The following OR2L5 variants were observed in gnomAD, a reference collection of about 807,000 sequenced individuals.
OR2L5 encodes olfactory receptor 2L5.
For missense variants in OR2L5, 413 were observed against 381.6 expected, an observed-to-expected ratio of 1.08 and a Z score of -0.69; for synonymous variants, 169 against 142.0, an observed-to-expected ratio of 1.19 and a Z score of -1.35.
rs1662382039 is a variant in OR2L5 at position 248,022,896 on chromosome 1, C to G, written c.*10C>G. 1 of 1,592,804 alleles carries G rather than the reference C, an allele frequency of 6.3e-7. No homozygotes were observed. Among genetic ancestry groups the G allele is most frequent in the Middle Eastern group, 1.7e-4 (1 of 5,856 alleles). Reference sequence around the variant, plus strand: ...CTCGGTGAAAATGTAGACATACGTTCTGTGTTAGAGTCAAAGCGCTAGGTT... The same window carrying G: ...CTCGGTGAAAATGTAGACATACGTTGTGTGTTAGAGTCAAAGCGCTAGGTT... On this transcript the variant is annotated 3_prime_UTR_variant, in exon 2 of 2. Coordinates refer to ENST00000355281, the MANE Select transcript of OR2L5 (RefSeq NM_001258284.2).
intron 1 of OR2L5, among the ~76,000 whole-genome samples, chr1:248,017,622 G>A (rs937318518): frequency 6.6e-6 from 1 of 152,150 alleles, no homozygotes; most frequent in African/African-American, 2.4e-5. Flanking sequence ...TCTTTTAATG[G>A]GGTCTTGGCG....
chr1:248,021,991 G>T lies in OR2L5; in HGVS notation c.44G>T (p.Gly15Val). 1 of 1,613,684 alleles carries T rather than the reference G, an allele frequency of 6.2e-7. No individual in the cohort carries two copies. The highest frequency in any genetic ancestry group is 8.5e-7 in the Non-Finnish European group (1 of 1,179,778). Residue 15 changes from glycine to valine, a missense_variant, in exon 2 of 2, where the codon GGG becomes GTG. By Grantham distance (109) the Gly-to-Val change is moderately radical. Coordinates refer to ENST00000355281, the MANE Select transcript of OR2L5 (RefSeq NM_001258284.2). ...NQTSTDFILL[G>V]LFPPSKIGLF... ...ACGTCAACTGATTTCATCTTATTGG[G>T]GCTGTTCCCACCATCAAAAATTGGC...
intron 1 of OR2L5, among the ~76,000 whole-genome samples, chr1:248,016,721 T>G (rs962810671): frequency 6.6e-6 from 1 of 151,932 alleles, no homozygotes; most frequent in African/African-American, 2.4e-5. Context: ...TGTATATTTA[T>G]ATATGTAACA....
intron 1 of OR2L5, among the ~76,000 whole-genome samples, chr1:248,016,945 T>C (rs74153008): frequency 0.031 from 4,786 of 152,188 alleles, 225 homozygotes; most frequent in African/African-American, 0.11. Flanking sequence ...CTAATGGAAT[T>C]ATGGAAGAAA....
Position 248,024,031 on chromosome 1 carries a change from T to C in OR2L5, c.*1145T>C, listed in dbSNP as rs1175142893. 1 of 152,094 alleles carries C rather than the reference T, an allele frequency of 6.6e-6. No individual in the cohort carries two copies. Among genetic ancestry groups the C allele is most frequent in the African/African-American group, 2.4e-5 (1 of 41,404 alleles). 9.4% of individuals were successfully genotyped at this position (152,094 alleles called of 1,614,324 possible). A position where few individuals can be genotyped will look rare whatever the true frequency, so the allele number is the denominator to read the frequency against. ...AAAATATATTTTTATTTTTATTTGTTATTAATTTTATTTGTTTATTTTGTT... is the reference window on the plus strand; with the variant it reads ...AAAATATATTTTTATTTTTATTTGTCATTAATTTTATTTGTTTATTTTGTT... On this transcript the variant is annotated 3_prime_UTR_variant, in exon 2 of 2. Coordinates refer to ENST00000355281, the MANE Select transcript of OR2L5 (RefSeq NM_001258284.2).
chr1:248,021,173 C>A (rs1662325192), intron 1 of OR2L5, among the ~76,000 whole-genome samples: 1 of 151,994 alleles, frequency 6.6e-6, no homozygotes, highest in Admixed American at 6.6e-5. Context: ...ACATTCCTAT[C>A]CTTTTGAAGT....
In OR2L5 at chr1:248,022,054, T is replaced by A; in HGVS notation, c.107T>A (p.Met36Lys). ...LFILFVLIFL[M>K]ALIGNLSMIL... ...ATTCTCTTTGTTCTCATTTTCCTAA[T>A]GGCTCTAATTGGAAACCTATCCATG... The change falls in exon 2 of 2, where the codon ATG (methionine) becomes AAG (lysine). Residue 36 changes from methionine to lysine, a missense_variant. Transcript: ENST00000355281. 1 of 1,613,908 alleles carries A rather than the reference T, an allele frequency of 6.2e-7. No individual in the cohort carries two copies. Among genetic ancestry groups the A allele is most frequent in the Non-Finnish European group, 8.5e-7 (1 of 1,179,788 alleles).
intron 1 of OR2L5, among the ~76,000 whole-genome samples, chr1:248,016,560 A>C (rs1330293675): frequency 6.6e-6 from 1 of 152,072 alleles, no homozygotes; most frequent in East Asian, 1.9e-4. Context: ...TTTATTTAGC[A>C]TCTATAATGA....
At chr1:248,020,441 A>C (rs1202171191) in intron 1 of OR2L5, among the ~76,000 whole-genome samples, 1 of 152,190 alleles carries the variant, frequency 6.6e-6, no homozygotes, top group East Asian at 1.9e-4. Context: ...AGCCAAGCAG[A>C]GATTCTAAGC....
chr1:248,019,476 C>T (rs560022467), intron 1 of OR2L5, among the ~76,000 whole-genome samples: 1 of 152,296 alleles, frequency 6.6e-6, no homozygotes, highest in South Asian at 2.1e-4. Flanking sequence ...TTCATTTTGG[C>T]ACTGACTATA....
At chr1:248,015,284 T>TCAA (rs1206325888) in intron 1 of OR2L5, among the ~76,000 whole-genome samples, 1 of 152,164 alleles carries the variant, frequency 6.6e-6, no homozygotes, top group Non-Finnish European at 1.5e-5. Context: ...GAGAATCTAT[T>TCAA]GTGGAGGAAC....
rs1662349926 is a variant in OR2L5, at chr1:248,022,060, T to G, written c.113T>G (p.Leu38Arg). The change falls in exon 2 of 2, where the codon CTA becomes CGA. Residue 38 changes from leucine to arginine, a missense_variant. By Grantham distance (102) the Leu-to-Arg change is moderately radical (BLOSUM62 -2). Transcript: ENST00000355281. ...ILFVLIFLMA[L>R]IGNLSMILLI... The stretch of plus-strand genomic sequence containing the variant: ...TTTGTTCTCATTTTCCTAATGGCTC[T>G]AATTGGAAACCTATCCATGATTCTT... 2 of 1,613,988 alleles carry G rather than the reference T, an allele frequency of 1.2e-6. No homozygotes were observed. The highest frequency in any genetic ancestry group is 1.7e-6 in the Non-Finnish European group (2 of 1,179,852).
At chr1:248,015,735 C>T (rs1411508082) in intron 1 of OR2L5, among the ~76,000 whole-genome samples, 3 of 152,146 alleles carry the variant, frequency 2.0e-5, no homozygotes, top group Non-Finnish European at 4.4e-5. Context: ...TACAAAACTT[C>T]CAGCAAAGCC....
chr1:248,018,768 C>T (rs1455946653), intron 1 of OR2L5, among the ~76,000 whole-genome samples: 1 of 152,120 alleles, frequency 6.6e-6, no homozygotes, highest in African/African-American at 2.4e-5. Flanking sequence ...TCATTTTCTC[C>T]AACTAAAATT....
chr1:248,023,316 C>T lies in OR2L5; in HGVS notation c.*430C>T, dbSNP rs556230159. The T allele has an allele frequency of 1.3e-5, 2 of 152,432 alleles. No homozygotes were observed. The highest frequency in any genetic ancestry group is 3.9e-4 in the East Asian group (2 of 5,168). 9.4% of individuals were successfully genotyped at this position (152,432 alleles called of 1,614,324 possible). On this transcript the variant is annotated 3_prime_UTR_variant, in exon 2 of 2. Coordinates refer to ENST00000355281, the MANE Select transcript of OR2L5 (RefSeq NM_001258284.2). ...TACTCTCAACTGGTGTGTATGTGTT[C>T]CTCTTTTTGCTAAAGTAATGATTTA...
Position 248,023,629 on chromosome 1 carries a change from C to G in OR2L5, c.*743C>G, listed in dbSNP as rs1662402928. On this transcript the variant is annotated 3_prime_UTR_variant, in exon 2 of 2. Transcript: ENST00000355281. The stretch of plus-strand genomic sequence containing the variant: ...TACTTACTCTTCAAAATCAGCAAGT[C>G]TATACATCTTGGATTGGGATCAACT... 6.6e-6 allele frequency: 1 copy of G among 152,212 alleles called. No individual in the cohort carries two copies. The highest frequency in any genetic ancestry group is 2.4e-5 in the African/African-American group (1 of 41,450). The allele number at this position is 152,212 out of a possible 1,614,324, so 9.4% of individuals were successfully genotyped here.
intron 1 of OR2L5, among the ~76,000 whole-genome samples, chr1:248,016,117 G>A (rs574104225): frequency 2.0e-5 from 3 of 152,150 alleles, no homozygotes; most frequent in Admixed American, 2.0e-4. Flanking sequence ...CTTAAATTAG[G>A]CTATTTTAAT....
In OR2L5 at chr1:248,019,980, A is replaced by G. The variant is rs1662296354; in HGVS notation, c.-21-1947A>G. 2.6e-5 allele frequency among the ~76,000 whole-genome samples: 4 copies of G among 151,882 alleles called. No individual in the cohort carries two copies. In the South Asian group the frequency reaches 6.2e-4, roughly 24 times the overall value. Reference sequence around the variant, plus strand: ...TTTTTGTATTTTTTGTAGAAACAGGATTTTTCCATTTTGGTTGGTCTCAAT... The same window carrying G: ...TTTTTGTATTTTTTGTAGAAACAGGGTTTTTCCATTTTGGTTGGTCTCAAT... On this transcript the variant is annotated intron_variant, in intron 1 of 1. Transcript: ENST00000355281.
chr1:248,015,767 T>C (rs1222331781), intron 1 of OR2L5, among the ~76,000 whole-genome samples: 2 of 152,188 alleles, frequency 1.3e-5, no homozygotes, highest in African/African-American at 2.4e-5. Context: ...TTATCTCCCT[T>C]CCTATTTTTT....
Sources: gnomAD v4.1 joint callset for allele counts (sites outside exome capture counted in the v4.1 genomes callset) on GRCh38, gnomAD v4.1.1 for gene constraint, MANE v1.5 for transcripts, NCBI Gene and HGNC (gene_info 2026-07-23, HGNC 2026-07-21) for gene names.